CTNNBL1: variants seen among roughly 807,000 people sequenced by gnomAD.
CTNNBL1 encodes the protein catenin beta like 1, also known as beta-catenin-like protein 1.
Under a neutral mutation model 72.7 loss-of-function variants are expected in CTNNBL1, and 31 were observed. The ratio of observed to expected loss-of-function variants is 0.43; its 90% CI spans 0.32 to 0.58. The LOEUF is 0.58. Ranked by LOEUF, CTNNBL1 falls within the 20% of genes least tolerant of loss-of-function variation. The probability of loss-of-function intolerance (pLI) is 0.08; values close to 1 mark genes in which losing one functional copy is unlikely to be tolerated. For synonymous variants in CTNNBL1, 240 were observed against 267.3 expected (o/e 0.90, Z 1.00); for missense variants, 534 against 725.1 (o/e 0.74, Z 3.03).
At chr20:37,765,044 T>G (rs1229624746) in intron 5 of CTNNBL1, among the ~76,000 whole-genome samples, 153 bp from the exon 6 acceptor site, 1 of 152,196 alleles carries the variant, frequency 6.6e-6, no homozygotes, top group East Asian at 1.9e-4. Flanking sequence ...TTAAAAGAGA[T>G]AATGGGATGG....
intron 1 of CTNNBL1, among the ~76,000 whole-genome samples, chr20:37,701,852 C>T (rs952603318): frequency 6.8e-6 from 1 of 146,656 alleles, no homozygotes; most frequent in Non-Finnish European, 1.5e-5. Flanking sequence ...ATACATCGTA[C>T]GCTCATCTCA....
At chr20:37,865,216 AAC>A (rs1326898909) in intron 15 of CTNNBL1, among the ~76,000 whole-genome samples, 1 of 152,142 alleles carries the variant, frequency 6.6e-6, no homozygotes, top group East Asian at 1.9e-4. Context: ...CCCTGTCCCC[AAC>A]AGGCATACGT....
intron 11 of CTNNBL1, among the ~76,000 whole-genome samples, chr20:37,835,468 C>T (rs946209231): frequency 2.6e-5 from 4 of 152,140 alleles, no homozygotes; most frequent in African/African-American, 7.2e-5. Flanking sequence ...TGGGCTGTCA[C>T]AATTACTAAG....
chr20:37,831,916 G>A (rs923015484), intron 11 of CTNNBL1, among the ~76,000 whole-genome samples: 3 of 152,148 alleles, frequency 2.0e-5, no homozygotes, highest in Non-Finnish European at 2.9e-5. Flanking sequence ...GTTCTTGCAG[G>A]AAGACCAAAA....
intron 10 of CTNNBL1, among the ~76,000 whole-genome samples, chr20:37,790,062 C>T (rs1056844314): frequency 6.6e-6 from 1 of 152,086 alleles, no homozygotes; most frequent in Non-Finnish European, 1.5e-5. Flanking sequence ...TGTTGTTGTT[C>T]TAAGGTTTTC....
chr20:37,773,964 G>T (rs2073551091), intron 7 of CTNNBL1, among the ~76,000 whole-genome samples: 1 of 133,016 alleles, frequency 7.5e-6, no homozygotes, highest in Non-Finnish European at 1.5e-5. Context: ...GGCCAGGCCA[G>T]AGTGTTGGTG....
At chr20:37,804,552 G>C (rs1187406439) in intron 11 of CTNNBL1, among the ~76,000 whole-genome samples, 1 of 152,192 alleles carries the variant, frequency 6.6e-6, no homozygotes, top group Non-Finnish European at 1.5e-5. Context: ...AAGTGGACTA[G>C]TGAACTAGAA....
chr20:37,804,818 A>G lies in CTNNBL1; in HGVS notation c.1213+1770A>G, dbSNP rs552487743. On this transcript the variant is annotated intron_variant, in intron 11 of 15. Transcript: ENST00000361383. ...TGAGCAGCTGCTTTTCTTCTGAAAA[A>G]TGTGCCCGGTGGCGTGCTGGTAACA... Among the ~76,000 whole-genome samples the G allele has an allele frequency of 6.6e-5, 10 of 152,354 alleles. 1 individual carries two copies. Among genetic ancestry groups the G allele is most frequent in the African/African-American group, 2.2e-4 (9 of 41,580 alleles).
At chr20:37,817,761 G>A (rs970710573) in intron 11 of CTNNBL1, among the ~76,000 whole-genome samples, 1 of 152,176 alleles carries the variant, frequency 6.6e-6, no homozygotes, top group Non-Finnish European at 1.5e-5. Context: ...CTGCTTCTCT[G>A]ACCACACTTT....
intron 10 of CTNNBL1, among the ~76,000 whole-genome samples, chr20:37,793,493 T>C (rs758157167): frequency 6.6e-6 from 1 of 152,232 alleles, no homozygotes; most frequent in Non-Finnish European, 1.5e-5. Flanking sequence ...CCTTCTGTTA[T>C]GAACTAAACT....
chr20:37,764,812 C>A (rs2073450876), intron 5 of CTNNBL1, among the ~76,000 whole-genome samples: 1 of 152,280 alleles, frequency 6.6e-6, no homozygotes, highest in South Asian at 2.1e-4. Context: ...CTTGAATGAA[C>A]CGTTGACCTG....
chr20:37,821,273 G>A (rs1367551760), intron 11 of CTNNBL1, among the ~76,000 whole-genome samples: 1 of 152,212 alleles, frequency 6.6e-6, no homozygotes, highest in Non-Finnish European at 1.5e-5. Flanking sequence ...GTACAGTGGT[G>A]GTTGGCTTGC....
At chr20:37,700,952 C>T (rs890205755) in intron 1 of CTNNBL1, among the ~76,000 whole-genome samples, 5 of 152,084 alleles carry the variant, frequency 3.3e-5, no homozygotes, top group Non-Finnish European at 5.9e-5. Flanking sequence ...TAAACTTGCT[C>T]CTTTCCCCCT....
At chr20:37,730,132 A>G (rs1260723487) in intron 1 of CTNNBL1, among the ~76,000 whole-genome samples, 3 of 152,340 alleles carry the variant, frequency 2.0e-5, no homozygotes, top group Admixed American at 1.3e-4. Context: ...ACTTTCTACC[A>G]CTGGCAGAGT....
At chr20:37,721,338 A>G (rs528203952) in intron 1 of CTNNBL1, among the ~76,000 whole-genome samples, 1 of 152,344 alleles carries the variant, frequency 6.6e-6, no homozygotes, top group African/African-American at 2.4e-5. Context: ...AGCTTTAAAA[A>G]TAATTAAAGC....
At chr20:37,714,710 G>A (rs986131915) in intron 1 of CTNNBL1, among the ~76,000 whole-genome samples, 3 of 152,346 alleles carry the variant, frequency 2.0e-5, no homozygotes, top group South Asian at 2.1e-4. Context: ...CAAAAAATAA[G>A]AGGTTGTACA....
chr20:37,744,917 A>G lies in CTNNBL1; in HGVS notation c.327-1551A>G, dbSNP rs1600458642. Among the ~76,000 whole-genome samples the G allele has an allele frequency of 2.0e-5, 3 of 152,302 alleles. No individual in the cohort carries two copies. The South Asian group carries it at 6.2e-4, about 32-fold the overall frequency. On this transcript the variant is annotated intron_variant, in intron 3 of 15. Transcript: ENST00000361383. The stretch of plus-strand genomic sequence containing the variant: ...GGTTGGTCAAACATTCACAGAAAAT[A>G]AAGTTAGATCTTTGCCTTATATCAT...
At chr20:37,786,316 G>A (rs1411304150) in intron 10 of CTNNBL1, among the ~76,000 whole-genome samples, 1 of 152,216 alleles carries the variant, frequency 6.6e-6, no homozygotes, top group Admixed American at 6.5e-5. Flanking sequence ...CAGGTGGCAA[G>A]TCCAGCCAGG....
chr20:37,843,446 C>T (rs1460316696), intron 13 of CTNNBL1, among the ~76,000 whole-genome samples: 1 of 152,200 alleles, frequency 6.6e-6, no homozygotes, highest in African/African-American at 2.4e-5. Flanking sequence ...CGGGGCATGC[C>T]TCAGGCCAGA....
Sources: allele counts gnomAD v4.1 joint callset (sites outside exome capture counted in the v4.1 genomes callset), GRCh38; gene constraint gnomAD v4.1.1; transcripts MANE v1.5; gene names NCBI Gene and HGNC (gene_info 2026-07-23, HGNC 2026-07-21).